The following SOAT1 variants were observed in gnomAD, a reference collection of about 807,000 sequenced individuals.
SOAT1 encodes the protein sterol O-acyltransferase 1, also known as acyl-coenzyme A:cholesterol acyltransferase 1.
In SOAT1, 55 loss-of-function variants were observed where a neutral mutation model predicts 69.5. The ratio of observed to expected loss-of-function variants is 0.79; its 90% CI spans 0.64 to 0.99. SOAT1 has a LOEUF of 0.99. Among genes scored for constraint, SOAT1 ranks in the 50% least tolerant of loss-of-function variants. SOAT1 has a pLI of 0.00. For synonymous variants in SOAT1, 231 were observed against 224.7 expected (o/e 1.03, Z -0.25); for missense variants, 580 against 669.3 (o/e 0.87, Z 1.47).
intron 3 of SOAT1, 44 bp downstream of exon 3, chr1:179,323,539 A>G: frequency 1.3e-6 from 2 of 1,537,380 alleles, no homozygotes; most frequent in Non-Finnish European, 1.8e-6. Flanking sequence ...AGAGTTTTAG[A>G]TAGAATTTTG....
At chr1:179,303,902 T>C (rs181490167) in intron 2 of SOAT1, among the ~76,000 whole-genome samples, 1 of 152,338 alleles carries the variant, frequency 6.6e-6, no homozygotes, top group East Asian at 1.9e-4. Context: ...TTCCAGTTCT[T>C]GGGACAGAAA....
At chr1:179,343,318 G>A (rs1666406713) in intron 9 of SOAT1, among the ~76,000 whole-genome samples, 1 of 152,006 alleles carries the variant, frequency 6.6e-6, no homozygotes, top group South Asian at 2.1e-4. Flanking sequence ...TCTGCCTCCT[G>A]GGTTCAAGTG....
intron 3 of SOAT1, among the ~76,000 whole-genome samples, chr1:179,329,714 C>CAAA (rs745468620): frequency 1.8e-5 from 2 of 111,420 alleles, no homozygotes; most frequent in Non-Finnish European, 3.9e-5. Flanking sequence ...GACTTCATCT[C>CAAA]AAAAAAAAAA....
At chr1:179,347,140 C>T (rs901532241) in intron 11 of SOAT1, among the ~76,000 whole-genome samples, 6 of 152,128 alleles carry the variant, frequency 3.9e-5, no homozygotes, top group African/African-American at 1.4e-4. Flanking sequence ...GGGCAGATCA[C>T]AAGGTCAGGA....
At chr1:179,326,126 T>G (rs1665782066) in intron 3 of SOAT1, among the ~76,000 whole-genome samples, 1 of 152,202 alleles carries the variant, frequency 6.6e-6, no homozygotes, top group Non-Finnish European at 1.5e-5. Flanking sequence ...GATGGACATC[T>G]GTGTCTCTAT....
intron 1 of SOAT1, among the ~76,000 whole-genome samples, chr1:179,297,469 G>T (rs987043363): frequency 1.3e-5 from 2 of 151,974 alleles, no homozygotes; most frequent in African/African-American, 4.8e-5. Flanking sequence ...CCGAGTAGCT[G>T]GGATTACAGG....
chr1:179,309,916 A>C (rs1172047030), intron 2 of SOAT1, among the ~76,000 whole-genome samples: 1 of 151,504 alleles, frequency 6.6e-6, no homozygotes, highest in Non-Finnish European at 1.5e-5. Flanking sequence ...GTTTTTTGAG[A>C]TGGAGTCTCG....
At chr1:179,325,260 C>A (rs1187807263) in intron 3 of SOAT1, among the ~76,000 whole-genome samples, 2 of 149,602 alleles carry the variant, frequency 1.3e-5, no homozygotes, top group African/African-American at 4.9e-5. Flanking sequence ...CACCATTCTC[C>A]TGCATCAGCC....
intron 12 of SOAT1, among the ~76,000 whole-genome samples, chr1:179,348,529 A>T (rs1406903058): frequency 6.6e-6 from 1 of 152,010 alleles, no homozygotes; most frequent in Non-Finnish European, 1.5e-5. Context: ...GGGCTTACTG[A>T]TTGCTGTTTA....
At position 179,344,352 on chromosome 1, in the gene SOAT1, G is replaced by GTTTTTTTTTT. The variant is rs762911049; in HGVS notation, c.988-595_988-594insTTTTTTTTTT. 3.2e-4 allele frequency among the ~76,000 whole-genome samples: 39 copies of GTTTTTTTTTT among 120,556 alleles called. 13 individuals are homozygous for GTTTTTTTTTT. The highest frequency in any genetic ancestry group is 8.6e-4 in the South Asian group (3 of 3,498). The allele number at this position is 120,556 out of a possible 152,430, so 79.1% of individuals were successfully genotyped here. On this transcript the variant is annotated intron_variant, in intron 10 of 15. Coordinates refer to ENST00000367619, the MANE Select transcript of SOAT1 (RefSeq NM_003101.6). ...TATGAAGTAAGTTCTTTCATTAAGG[G>GTTTTTTTTTT]GTTTTTTTTTTTTTTTTTTTTTTTT...
intron 2 of SOAT1, among the ~76,000 whole-genome samples, chr1:179,318,190 G>A (rs1244048484): frequency 1.4e-5 from 2 of 144,608 alleles, no homozygotes; most frequent in African/African-American, 5.8e-5. Context: ...GTGAGATCCT[G>A]TCTCAAAAAA....
chr1:179,305,293 C>CT (rs1664964641), intron 2 of SOAT1, among the ~76,000 whole-genome samples: 1 of 152,098 alleles, frequency 6.6e-6, no homozygotes, highest in Non-Finnish European at 1.5e-5. Context: ...GCTGTCCAGG[C>CT]TGGAGTGCAG....
intron 2 of SOAT1, among the ~76,000 whole-genome samples, chr1:179,322,032 C>T (rs904280538): frequency 6.6e-6 from 1 of 151,906 alleles, no homozygotes; most frequent in African/African-American, 2.4e-5. Context: ...CAGGCGTGCA[C>T]CACCATGCCT....
At chr1:179,311,427 A>C (rs572784007) in intron 2 of SOAT1, among the ~76,000 whole-genome samples, 1 of 152,348 alleles carries the variant, frequency 6.6e-6, no homozygotes, top group East Asian at 1.9e-4. Flanking sequence ...TAATGTCTTC[A>C]GGGAAAAGAA....
intron 2 of SOAT1, among the ~76,000 whole-genome samples, chr1:179,320,577 G>T (rs1665561481): frequency 6.6e-6 from 1 of 152,004 alleles, no homozygotes; most frequent in Non-Finnish European, 1.5e-5. Flanking sequence ...TAGAAAAATT[G>T]GGGAGCACTG....
intron 5 of SOAT1, among the ~76,000 whole-genome samples, chr1:179,338,152 GCT>G (rs1183545837): frequency 1.3e-5 from 2 of 152,114 alleles, no homozygotes; most frequent in African/African-American, 2.4e-5. Flanking sequence ...ACTTTGGGAG[GCT>G]GAGACAGGCA....
At chr1:179,349,205 A>C (rs979363117) in intron 13 of SOAT1, among the ~76,000 whole-genome samples, 1 of 152,126 alleles carries the variant, frequency 6.6e-6, no homozygotes, top group African/African-American at 2.4e-5. Flanking sequence ...GTAAGAATGC[A>C]TGGAGGTTGT....
chr1:179,340,321 A>C (rs1571446311), intron 6 of SOAT1, among the ~76,000 whole-genome samples: 1 of 152,098 alleles, frequency 6.6e-6, no homozygotes, highest in East Asian at 1.9e-4. Context: ...ATCTCTACAA[A>C]AAATTTAAAA....
chr1:179,334,432 G>T (rs1666075743), intron 3 of SOAT1, among the ~76,000 whole-genome samples: 2 of 152,064 alleles, frequency 1.3e-5, no homozygotes, highest in Admixed American at 1.3e-4. Flanking sequence ...TATGTGGGGG[G>T]AGTGTGTGTT....
Sources: gnomAD v4.1 joint callset for allele counts (sites outside exome capture counted in the v4.1 genomes callset) on GRCh38, gnomAD v4.1.1 for gene constraint, MANE v1.5 for transcripts, NCBI Gene and HGNC (gene_info 2026-07-23, HGNC 2026-07-21) for gene names.